The following MED17 variants were observed in gnomAD, a reference collection of about 807,000 sequenced individuals.
The protein encoded by MED17 is mediator complex subunit 17.
A neutral mutation model predicts 80.8 loss-of-function variants in MED17; 49 were observed. The observed-to-expected ratio is 0.61, with a 90% CI of 0.48 to 0.77. The LOEUF (loss-of-function observed/expected upper bound fraction) is 0.77. Ranked by LOEUF, MED17 falls within the 30% of genes least tolerant of loss-of-function variation. MED17 has a pLI of 0.00. For synonymous variants in MED17, 281 were observed against 280.4 expected (o/e 1.00, Z -0.02); for missense variants, 718 against 787.0 (o/e 0.91, Z 1.05).
intron 5 of MED17, chr11:93,794,264 G>A (rs562922961): frequency 2.5e-6 from 1 of 404,456 alleles, no homozygotes; most frequent in African/African-American, 2.2e-5. Context: ...GAGTGCAATG[G>A]CGCAGTCTCG....
Position 93,794,956 on chromosome 11 carries a change from T to C in MED17, c.908T>C (p.Leu303Ser). 6.2e-7 allele frequency: 1 copy of C among 1,614,152 alleles called. No homozygotes were observed. The highest frequency in any genetic ancestry group is 8.5e-7 in the Non-Finnish European group (1 of 1,180,022). Reference protein sequence around the residue: ...TKLEAAQNVLLCKEIFAQLSR... With the variant: ...TKLEAAQNVLSCKEIFAQLSR... ...TTAGAAGCGGCACAGAATGTTCTCTTATGTAAAGAAATTTTTGCACAGCTC... is the reference window on the plus strand; with the variant it reads ...TTAGAAGCGGCACAGAATGTTCTCTCATGTAAAGAAATTTTTGCACAGCTC... Residue 303 changes from leucine (L) to serine (S), a missense_variant, in exon 6 of 12, where the codon TTA (leucine) becomes TCA (serine). Coordinates refer to ENST00000251871, the MANE Select transcript of MED17 (RefSeq NM_004268.5).
chr11:93,790,636 A>G lies in MED17; in HGVS notation c.480A>G (p.Leu160=). 6.2e-7 allele frequency: 1 copy of G among 1,614,220 alleles called. No individual in the cohort carries two copies. The highest frequency in any genetic ancestry group is 1.3e-5 in the African/African-American group (1 of 75,062). Residue 160 remains leucine, a synonymous_variant, in exon 3 of 12, where the codon TTA becomes TTG. Transcript: ENST00000251871. ...KKSLAGAAQI[L]LKGAERLTKS... ...CACTTGCTGGAGCAGCACAAATCTT[A>G]TTGAAGGGGGCAGAAAGACTGACTA... is the stretch of plus-strand genomic sequence containing the variant.
intron 6 of MED17, 138 bp downstream of exon 6, chr11:93,795,198 A>G: frequency 4.2e-6 from 4 of 948,490 alleles, no homozygotes; most frequent in Non-Finnish European, 6.8e-6. Context: ...GACAGCCAGT[A>G]AAGCATGTAA....
At chr11:93,800,376 C>A (rs1943949392) in intron 8 of MED17, among the ~76,000 whole-genome samples, 1 of 151,826 alleles carries the variant, frequency 6.6e-6, no homozygotes, top group Non-Finnish European at 1.5e-5. Flanking sequence ...TGCCTGTAAT[C>A]CTAGCACTTT....
At chr11:93,811,232 A>G (rs1213245793) in intron 11 of MED17, 1 of 152,334 alleles carries the variant, frequency 6.6e-6, no homozygotes, top group Non-Finnish European at 1.5e-5. Flanking sequence ...TTAAAACCTC[A>G]TTAAAACCTG....
chr11:93,787,857 T>C (rs916080815), intron 1 of MED17, 144 bp from the exon 2 acceptor site: 2 of 735,084 alleles, frequency 2.7e-6, no homozygotes, highest in Non-Finnish European at 4.7e-6. Context: ...TAAGAAACGG[T>C]AGAGGAGATG....
Position 93,812,053 on chromosome 11 carries a change from T to G in MED17, c.1945T>G (p.Cys649Gly). 6.2e-7 allele frequency: 1 copy of G among 1,614,010 alleles called. No individual in the cohort carries two copies. The highest frequency in any genetic ancestry group is 8.5e-7 in the Non-Finnish European group (1 of 1,179,912). ...MELLMSALSP[C>G]LL ...GCTGCTTATGTCTGCACTTAGCCCT[T>G]GTCTACTATGATTTTTTCCAGATGT... Residue 649 changes from cysteine to glycine, a missense_variant, in exon 12 of 12, where the codon TGT becomes GGT. By Grantham distance (159) the Cys-to-Gly change is radical. Transcript: ENST00000251871.
intron 10 of MED17, chr11:93,808,476 C>G (rs1591391419): frequency 1.3e-5 from 2 of 150,450 alleles, no homozygotes; most frequent in Admixed American, 1.3e-4. Context: ...TCATATCTAA[C>G]TGTATTTTCC....
chr11:93,796,834 A>G (rs1943908860), intron 7 of MED17: 7 of 390,450 alleles, frequency 1.8e-5, no homozygotes, highest in South Asian at 1.3e-4. Flanking sequence ...GAGTTAAGGG[A>G]AAATGTCTTG....
intron 1 of MED17, among the ~76,000 whole-genome samples, chr11:93,785,889 A>C (rs1464593804): frequency 6.6e-6 from 1 of 152,164 alleles, no homozygotes; most frequent in African/African-American, 2.4e-5. Context: ...CTGTGGTCCC[A>C]GCTACTGGGG....
intron 1 of MED17, among the ~76,000 whole-genome samples, chr11:93,787,149 C>G: frequency 6.6e-6 from 1 of 152,128 alleles, no homozygotes; most frequent in Non-Finnish European, 1.5e-5. Context: ...CGCAGTGGCT[C>G]ACGTCTGTAA....
At chr11:93,788,254 C>A in intron 2 of MED17, 87 bp downstream of exon 2, 2 of 1,155,882 alleles carry the variant, frequency 1.7e-6, no homozygotes, top group Non-Finnish European at 2.5e-6. Context: ...GTTCCATTTT[C>A]CTTTCTTGCA....
intron 3 of MED17, among the ~76,000 whole-genome samples, chr11:93,791,391 G>T (rs755606827): frequency 6.6e-6 from 1 of 151,898 alleles, no homozygotes; most frequent in Non-Finnish European, 1.5e-5. Context: ...CCTCAATCAA[G>T]GCCTTACCTG....
rs527330483 is a variant in MED17, at chr11:93,812,822, C to A, written c.*758C>A. On this transcript the variant is annotated 3_prime_UTR_variant, in exon 12 of 12. Coordinates refer to ENST00000251871, the MANE Select transcript of MED17 (RefSeq NM_004268.5). The stretch of plus-strand genomic sequence containing the variant: ...CCTACATAGGTAATTTAAGAACATC[C>A]TCAGAAAGGACAGCTGAAGGCAATA... 1.3e-5 allele frequency: 2 copies of A among 152,330 alleles called. No individual in the cohort carries two copies. The highest frequency in any genetic ancestry group is 4.8e-5 in the African/African-American group (2 of 41,532). The allele number at this position is 152,330 out of a possible 1,614,324, so 9.4% of individuals were successfully genotyped here.
At chr11:93,786,903 T>C (rs1379466229) in intron 1 of MED17, among the ~76,000 whole-genome samples, 1 of 152,210 alleles carries the variant, frequency 6.6e-6, no homozygotes, top group Non-Finnish European at 1.5e-5. Flanking sequence ...AGCAGTTTAC[T>C]TGTTGGAAGC....
intron 3 of MED17, chr11:93,793,079 TTCA>T (rs1442728163): frequency 1.3e-5 from 2 of 150,800 alleles, no homozygotes; most frequent in East Asian, 3.9e-4. Context: ...CCAGAAGTAT[TTCA>T]TCCCCAAGGT....
intron 9 of MED17, among the ~76,000 whole-genome samples, chr11:93,804,971 T>G (rs935299402): frequency 1.3e-5 from 2 of 152,234 alleles, no homozygotes; most frequent in African/African-American, 2.4e-5. Flanking sequence ...GTGGACTATT[T>G]TAATAAGGTT....
rs769222927 is a variant in MED17, at chr11:93,797,615, G to A, written c.1224G>A (p.Ser408=). Residue 408 remains serine (S), a synonymous_variant, in exon 8 of 12, where the codon TCG becomes TCA. Transcript: ENST00000251871. ...APFGHKRMRL[S]GPQAFDKNEI... ...TTGGCCACAAGAGAATGAGACTTTC[G>A]GGTCCTCAAGCTTTTGATAAAAATG... 30 of 1,613,822 alleles carry A rather than the reference G, an allele frequency of 1.9e-5. No homozygotes were observed. Among genetic ancestry groups the A allele is most frequent in the South Asian group, 6.6e-5 (6 of 91,074 alleles).
intron 2 of MED17, chr11:93,789,375 A>C (rs1269063694): frequency 6.6e-6 from 1 of 152,206 alleles, no homozygotes; most frequent in Non-Finnish European, 1.5e-5. Flanking sequence ...CACCTAACTC[A>C]TAGCCCCACT....
Sources: allele counts gnomAD v4.1 joint callset (sites outside exome capture counted in the v4.1 genomes callset), GRCh38; gene constraint gnomAD v4.1.1; transcripts MANE v1.5; gene names NCBI Gene and HGNC (gene_info 2026-07-23, HGNC 2026-07-21).